Variants in VPS13A observed in about 807,000 individuals in gnomAD.
VPS13A encodes the protein intermembrane lipid transfer protein VPS13A.
A neutral mutation model predicts 390.9 loss-of-function variants in VPS13A; 264 were observed. The observed-to-expected ratio is 0.68, with a 90% CI of 0.61 to 0.75. The LOEUF (loss-of-function observed/expected upper bound fraction) is 0.75. VPS13A is among the 30% of genes least tolerant of loss of function. The pLI, the probability that VPS13A is intolerant of heterozygous loss-of-function variation, is 0.00. For missense variants in VPS13A, 3,409 were observed against 3,733.9 expected (o/e 0.91, Z 2.27); for synonymous variants, 1,231 against 1,227.1 (o/e 1.00, Z -0.07).
chr9:77,392,988 G>T (rs1563986709), intron 68 of VPS13A, among the ~76,000 whole-genome samples: 2 of 152,030 alleles, frequency 1.3e-5, no homozygotes, highest in Non-Finnish European at 2.9e-5. Context: ...TTTCACGAAA[G>T]ATTTATCTGT....
chr9:77,281,927 G>A lies in VPS13A; in HGVS notation c.2964+1G>A. 1 of 1,547,782 alleles carries A rather than the reference G, an allele frequency of 6.5e-7. No individual in the cohort carries two copies. The highest frequency in any genetic ancestry group is 1.4e-5 in the African/African-American group (1 of 73,470). On this transcript the variant is annotated splice_donor_variant, in intron 28 of 71. Transcript: ENST00000360280. LOFTEE classifies it high-confidence loss of function. ...TAACAATGTTTTACAATTGATTAAG[G>A]TATGAGTAGATAATTTATTTTTTAA...
intron 34 of VPS13A, 23 bp downstream of exon 34, chr9:77,303,085 C>A (rs770322311): frequency 1.2e-6 from 2 of 1,613,366 alleles, no homozygotes; most frequent in South Asian, 2.2e-5. Flanking sequence ...GGATACTTAT[C>A]AATTTTTGTT....
chr9:77,258,579 G>A (rs1018541176), intron 22 of VPS13A, among the ~76,000 whole-genome samples: 2 of 151,998 alleles, frequency 1.3e-5, no homozygotes, highest in African/African-American at 4.8e-5. Flanking sequence ...CTAGAATTTG[G>A]TTTAAGAGAC....
At chr9:77,185,501 G>A (rs1824276813) in intron 1 of VPS13A, among the ~76,000 whole-genome samples, 1 of 152,148 alleles carries the variant, frequency 6.6e-6, no homozygotes, top group Non-Finnish European at 1.5e-5. Flanking sequence ...GTTAGTGTCT[G>A]TTGGAGAATT....
chr9:77,348,184 C>T (rs868559907), intron 52 of VPS13A, among the ~76,000 whole-genome samples: 2 of 151,960 alleles, frequency 1.3e-5, no homozygotes, highest in African/African-American at 2.4e-5. Flanking sequence ...ACATGTTCAC[C>T]GCAGCACTAT....
Position 77,370,553 on chromosome 9 carries a change from C to G in VPS13A, c.8882C>G (p.Thr2961Ser). 3 of 1,614,068 alleles carry G rather than the reference C, an allele frequency of 1.9e-6. No homozygotes were observed. The highest frequency in any genetic ancestry group is 1.3e-5 in the African/African-American group (1 of 74,984). Residue 2961 changes from threonine (T) to serine (S), a missense_variant, in exon 65 of 72, where the codon ACT becomes AGT. Thr to Ser is a moderately conservative substitution (Grantham distance 58). Coordinates refer to ENST00000360280, the MANE Select transcript of VPS13A (RefSeq NM_033305.3). ...KQPAGFREGI[T>S]RGGKGLVSGF... ...CCAGCTGGTTTTAGAGAAGGCATCA[C>G]TCGTGGAGGAAAAGGCTTAGTTTCT...
At chr9:77,177,831 C>T in intron 1 of VPS13A, 27 bp downstream of exon 1, 2 of 1,591,404 alleles carry the variant, frequency 1.3e-6, no homozygotes, top group Non-Finnish European at 1.7e-6. Flanking sequence ...CGCCGCTCCC[C>T]GGCCTCTCGT....
chr9:77,214,041 C>T (rs759725748), intron 9 of VPS13A, among the ~76,000 whole-genome samples: 2 of 151,656 alleles, frequency 1.3e-5, no homozygotes, highest in Non-Finnish European at 2.9e-5. Flanking sequence ...TTTGGGAGGC[C>T]GAGGCGGGTG....
chr9:77,414,760 ATAATAAT>A (rs1216318921), intron 71 of VPS13A, among the ~76,000 whole-genome samples: 1 of 150,110 alleles, frequency 6.7e-6, no homozygotes, highest in African/African-American at 2.4e-5. Flanking sequence ...AATAATAATA[ATAATAAT>A]AAAAACTTAG....
intron 46 of VPS13A, among the ~76,000 whole-genome samples, chr9:77,333,365 C>T (rs539739952): frequency 2.7e-5 from 4 of 150,692 alleles, no homozygotes; most frequent in Non-Finnish European, 5.9e-5. Flanking sequence ...TTGTTACTGA[C>T]TAAGTACTTC....
chr9:77,206,229 T>G, intron 5 of VPS13A, 150 bp downstream of exon 5: 1 of 659,188 alleles, frequency 1.5e-6, no homozygotes, highest in Non-Finnish European at 2.6e-6. Context: ...TAATGTGGTT[T>G]GTATGCTTTG....
intron 13 of VPS13A, 75 bp from the exon 14 acceptor site, chr9:77,225,851 G>C: frequency 4.4e-6 from 5 of 1,143,342 alleles, no homozygotes; most frequent in Non-Finnish European, 5.2e-6. Context: ...GCAGCCATTT[G>C]ATAGATTATG....
In VPS13A at chr9:77,250,232, GA is replaced by G; in HGVS notation, c.2170+4del. 6.2e-7 allele frequency: 1 copy of G among 1,612,964 alleles called. No homozygotes were observed. The highest frequency in any genetic ancestry group is 8.5e-7 in the Non-Finnish European group (1 of 1,179,800). ...ACAGCTGCTTTACAGTAGAGTTGGT[GA>G]GTATAAAATGCATTATTTGTTGATT... On this transcript the variant is annotated splice_donor_region_variant and intron_variant, in intron 21 of 71. Coordinates refer to ENST00000360280, the MANE Select transcript of VPS13A (RefSeq NM_033305.3).
intron 67 of VPS13A, among the ~76,000 whole-genome samples, chr9:77,373,821 G>A (rs1832927121): frequency 6.6e-6 from 1 of 151,762 alleles, no homozygotes; most frequent in Admixed American, 6.6e-5. Context: ...CAAAAAGTGG[G>A]CGAAGGACAT....
Position 77,247,412 on chromosome 9 carries a change from T to G in VPS13A, c.2037+17T>G, listed in dbSNP as rs752253725. 2 of 1,592,058 alleles carry G rather than the reference T, an allele frequency of 1.3e-6. No homozygotes were observed. Among genetic ancestry groups the G allele is most frequent in the Non-Finnish European group, 1.7e-6 (2 of 1,168,864 alleles). ...CATCTAAAGGTATATACTAATAATA[T>G]TTGATTTATGATACAGCATTTGGGG... On this transcript the variant is annotated intron_variant, in intron 20 of 71. Transcript: ENST00000360280.
intron 68 of VPS13A, among the ~76,000 whole-genome samples, chr9:77,386,427 G>T (rs1833684690): frequency 6.6e-6 from 1 of 151,768 alleles, no homozygotes; most frequent in Non-Finnish European, 1.5e-5. Context: ...TGCTTGGCCT[G>T]TGACACTTAA....
At position 77,370,453 on chromosome 9, in the gene VPS13A, A is replaced by G. The variant is rs752920519; in HGVS notation, c.8782A>G (p.Met2928Val). 2.5e-6 allele frequency: 4 copies of G among 1,614,174 alleles called. No homozygotes were observed. The highest frequency in any genetic ancestry group is 2.7e-5 in the African/African-American group (2 of 75,056). Reference protein sequence around the residue: ...AGAASKITGAMAKGVAAMTMD... With the variant: ...AGAASKITGAVAKGVAAMTMD... ...TGCTGCCTCCAAAATCACCGGTGCT[A>G]TGGCTAAGGGGGTAGCAGCTATGAC... The change falls in exon 65 of 72, where the codon ATG (methionine) becomes GTG (valine). Residue 2928 changes from methionine to valine, a missense_variant. Around this residue, in one of 5 missense-constraint regions of VPS13A, gnomAD observed 318 missense variants for 333.7 expected, o/e 0.95. Coordinates refer to ENST00000360280, the MANE Select transcript of VPS13A (RefSeq NM_033305.3).
At chr9:77,271,370 G>A (rs913951203) in intron 23 of VPS13A, among the ~76,000 whole-genome samples, 4 of 152,156 alleles carry the variant, frequency 2.6e-5, no homozygotes, top group African/African-American at 9.7e-5. Context: ...CTTGAAAATA[G>A]CATAACCCTT....
At chr9:77,294,350 G>A (rs1021602111) in intron 32 of VPS13A, among the ~76,000 whole-genome samples, 10 of 151,870 alleles carry the variant, frequency 6.6e-5, no homozygotes, top group African/African-American at 2.4e-4. Context: ...ATTTTGTTTC[G>A]GTTTTTGTTT....
Sources: allele counts gnomAD v4.1 joint callset (sites outside exome capture counted in the v4.1 genomes callset), GRCh38; gene constraint gnomAD v4.1.1; regional missense constraint gnomAD v4.1.1; transcripts MANE v1.5; gene names NCBI Gene and HGNC (gene_info 2026-07-23, HGNC 2026-07-21).